The following HK1 variants were observed in gnomAD, a reference collection of about 807,000 sequenced individuals.
The protein encoded by HK1 is hexokinase-1.
HK1 carries 28 observed loss-of-function variants against 91.6 expected under a neutral mutation model. The observed-to-expected ratio is 0.31, with a 90% CI of 0.23 to 0.42. The LOEUF (loss-of-function observed/expected upper bound fraction) is 0.42, where lower values mean the gene tolerates loss of function less well. Ranked by LOEUF, HK1 falls within the 10% of genes least tolerant of loss-of-function variation. The pLI is 1.00. For synonymous variants in HK1, 430 were observed against 468.1 expected, an observed-to-expected ratio of 0.92 and a Z score of 1.05; for missense variants, 770 against 1,219.8, an observed-to-expected ratio of 0.63 and a Z score of 5.49.
intron 1 of HK1, among the ~76,000 whole-genome samples, chr10:69,336,637 CTTT>C (rs56893382): frequency 8.8e-6 from 1 of 114,164 alleles, no homozygotes; most frequent in Non-Finnish European, 1.8e-5. Context: ...TGGTAGATGC[CTTT>C]TTTTTTTTTT....
chr10:69,358,006 T>C (rs1041708565), intron 2 of HK1, among the ~76,000 whole-genome samples: 7 of 152,192 alleles, frequency 4.6e-5, no homozygotes, highest in African/African-American at 1.7e-4. Flanking sequence ...GTGAATTAAA[T>C]TTCAATAATG....
At chr10:69,285,402 C>T (rs1398960099) in intron 2 of HK1, among the ~76,000 whole-genome samples, 3 of 151,804 alleles carry the variant, frequency 2.0e-5, no homozygotes, top group Non-Finnish European at 2.9e-5. Flanking sequence ...CCAGCCTGGG[C>T]GACAGAGAGA....
chr10:69,315,332 G>A (rs1334323893), upstream of HK1, among the ~76,000 whole-genome samples: 1 of 152,238 alleles, frequency 6.6e-6, no homozygotes, highest in Admixed American at 6.5e-5. Flanking sequence ...AATTGGTACA[G>A]ACATTCCAAC....
chr10:69,325,646 G>GC (rs948558182), intron 1 of HK1, among the ~76,000 whole-genome samples: 42 of 148,372 alleles, frequency 2.8e-4, no homozygotes, highest in South Asian at 1.1e-3. Context: ...CTGCCTCAGT[G>GC]CCCCCCCCTG....
chr10:69,377,098 C>CA lies in HK1; in HGVS notation c.1031+10dup. On this transcript the variant is annotated intron_variant, in intron 8 of 17. Coordinates refer to ENST00000359426, the MANE Select transcript of HK1 (RefSeq NM_000188.3). The stretch of plus-strand genomic sequence containing the variant: ...GTGTCAGCCATCGAAAAGTAGGTAC[C>CA]ATCCCCTCAAGGCTTTCTTGGGGTG... 6.2e-7 allele frequency: 1 copy of CA among 1,614,082 alleles called. No homozygotes were observed. The highest frequency in any genetic ancestry group is 8.5e-7 in the Non-Finnish European group (1 of 1,179,986).
chr10:69,323,482 C>G (rs1847159792), intron 1 of HK1, among the ~76,000 whole-genome samples: 1 of 147,332 alleles, frequency 6.8e-6, no homozygotes, highest in Middle Eastern at 3.4e-3. Context: ...GATTGTGTTA[C>G]CGTACTCCAG....
chr10:69,304,339 G>A (rs933520695), intron 5 of HK1, among the ~76,000 whole-genome samples: 17 of 149,734 alleles, frequency 1.1e-4, no homozygotes, highest in African/African-American at 2.7e-4. Context: ...ACAGAGTCTC[G>A]CTCTATCGCC....
chr10:69,289,026 T>C (rs1359645926), intron 3 of HK1, among the ~76,000 whole-genome samples: 1 of 152,168 alleles, frequency 6.6e-6, no homozygotes, highest in East Asian at 1.9e-4. Context: ...CCTCAGGTGA[T>C]CCGCCCACCT....
intron 13 of HK1, among the ~76,000 whole-genome samples, chr10:69,388,095 G>A (rs1839729609): frequency 6.6e-6 from 1 of 152,092 alleles, no homozygotes; most frequent in African/African-American, 2.4e-5. Context: ...GGGCTGAGTT[G>A]CATCTGGAAG....
At chr10:69,387,487 A>G (rs1012074293) in intron 13 of HK1, among the ~76,000 whole-genome samples, 1 of 152,088 alleles carries the variant, frequency 6.6e-6, no homozygotes, top group Non-Finnish European at 1.5e-5. Context: ...GTGTTTTGCC[A>G]TGCTGCTCAG....
chr10:69,327,000 C>CTT (rs1042738695), intron 1 of HK1, among the ~76,000 whole-genome samples: 8,029 of 110,780 alleles, frequency 0.072, 367 homozygotes, highest in Non-Finnish European at 0.1. Flanking sequence ...TGGTTTTAAA[C>CTT]TTTTTTTTTT....
chr10:69,392,510 T>C (rs528580069), intron 15 of HK1, among the ~76,000 whole-genome samples: 74 of 152,310 alleles, frequency 4.9e-4, no homozygotes, highest in Non-Finnish European at 8.7e-4. Context: ...TGGTACAAGA[T>C]GGCCCAGGGT....
At chr10:69,373,596 T>TA (rs1850130296) in intron 7 of HK1, among the ~76,000 whole-genome samples, 1 of 151,722 alleles carries the variant, frequency 6.6e-6, no homozygotes, top group Non-Finnish European at 1.5e-5. Context: ...GAGGTTTTTT[T>TA]TTTTTTTTCT....
At chr10:69,372,795 C>T (rs553252667) in intron 7 of HK1, among the ~76,000 whole-genome samples, 1 of 152,232 alleles carries the variant, frequency 6.6e-6, no homozygotes. Flanking sequence ...ATTCAGTTGG[C>T]CTGGGTTGCC....
chr10:69,334,579 G>A lies in HK1; in HGVS notation c.64-9248G>A, dbSNP rs143433855. ...GGGGAAGTCTCCGGGCCTTATCTGA[G>A]CCAGCAAACCCTCTGAGACCTCCCT... On this transcript the variant is annotated intron_variant, in intron 1 of 17. Coordinates refer to ENST00000359426, the MANE Select transcript of HK1 (RefSeq NM_000188.3). 5.3e-3 allele frequency among the ~76,000 whole-genome samples: 800 copies of A among 152,264 alleles called. 13 individuals are homozygous for A. The highest frequency in any genetic ancestry group is 0.018 in the African/African-American group (768 of 41,546).
At position 69,398,520 on chromosome 10, in the gene HK1, G is replaced by A. The variant is rs10998759; in HGVS notation, c.2376-75G>A. 7.5e-3 allele frequency: 8,133 copies of A among 1,079,976 alleles called. 445 individuals are homozygous for A. In the African/African-American group the frequency reaches 0.11, roughly 15 times the overall value. 66.9% of individuals were successfully genotyped at this position (1,079,976 alleles called of 1,614,324 possible). A position where few individuals can be genotyped will look rare whatever the true frequency, so the allele number is the denominator to read the frequency against. On this transcript the variant is annotated intron_variant, in intron 16 of 17. Transcript: ENST00000359426. The stretch of plus-strand genomic sequence containing the variant: ...AGTACAGTGATTGGGGGCGGGGGGC[G>A]TCCTTTGGACGTGGTCTCCAGGCTG...
At chr10:69,392,694 AGCCT>A (rs1218762649) in intron 15 of HK1, among the ~76,000 whole-genome samples, 1 of 152,092 alleles carries the variant, frequency 6.6e-6, no homozygotes, top group African/African-American at 2.4e-5. Context: ...TTCCTCCGTG[AGCCT>A]CCTGCACCAC....
intron 14 of HK1, 183 bp downstream of exon 14, chr10:69,389,479 T>TGGGGGGGGGG: frequency 5.1e-5 from 10 of 196,912 alleles, no homozygotes; most frequent in East Asian, 2.9e-4. Flanking sequence ...CGGGGGGAGG[T>TGGGGGGGGGG]GGGGGGGCCT....
At chr10:69,294,851 G>A (rs144185238) in intron 3 of HK1, among the ~76,000 whole-genome samples, 2,217 of 151,954 alleles carry the variant, frequency 0.015, 51 homozygotes, top group African/African-American at 0.05. Context: ...AACAGAGCGA[G>A]ACTCCATCTC....
Sources: gnomAD v4.1 joint callset for allele counts (sites outside exome capture counted in the v4.1 genomes callset) on GRCh38, gnomAD v4.1.1 for gene constraint, MANE v1.5 for transcripts, NCBI Gene and HGNC (gene_info 2026-07-23, HGNC 2026-07-21) for gene names.